Variants in TEX2 observed in about 807,000 individuals in gnomAD.
TEX2 encodes testis expressed 2, also known as testis-expressed protein 2.
TEX2 carries 53 observed loss-of-function variants against 106.9 expected under a neutral mutation model. That is an observed-to-expected ratio of 0.50 (90% CI 0.40 to 0.62). The LOEUF (loss-of-function observed/expected upper bound fraction) is 0.62. Ranked by LOEUF, TEX2 falls within the 20% of genes least tolerant of loss-of-function variation. The pLI is 0.00. For missense variants in TEX2, 1,207 were observed against 1,379.0 expected (o/e 0.88, Z 1.98); for synonymous variants, 523 against 534.8 (o/e 0.98, Z 0.30).
In TEX2 at chr17:64,212,737, T is replaced by TAGTG; in HGVS notation, c.1477_1480dup (p.Tyr494SerfsTer31). 6.2e-7 allele frequency: 1 copy of TAGTG among 1,614,040 alleles called. No homozygotes were observed. The highest frequency in any genetic ancestry group is 8.5e-7 in the Non-Finnish European group (1 of 1,179,996). ...AATTCCCAGAAAGAGTCCACTCACATAGTGGGGGAGGGGGAGGATGAGGTA... is the reference window on the plus strand; with the variant it reads ...AATTCCCAGAAAGAGTCCACTCACATAGTGAGTGGGGGAGGGGGAGGATGAGGTA... On this transcript the variant is annotated frameshift_variant, in exon 2 of 12. Coordinates refer to ENST00000584379, the MANE Select transcript of TEX2 (RefSeq NM_001288732.2). LOFTEE classifies it high-confidence loss of function.
intron 3 of TEX2, 91 bp from the exon 4 acceptor site, chr17:64,193,980 G>A: frequency 2.5e-6 from 2 of 798,418 alleles, no homozygotes; most frequent in Non-Finnish European, 1.7e-6. Flanking sequence ...AAACCTTATA[G>A]ACTTTTTGAC....
intron 1 of TEX2, among the ~76,000 whole-genome samples, chr17:64,229,407 T>C (rs2033601469): frequency 6.6e-6 from 1 of 152,264 alleles, no homozygotes; most frequent in African/African-American, 2.4e-5. Context: ...CTTTTGTTAT[T>C]CACTTCTTTA....
At chr17:64,225,812 G>A (rs1261676896) in intron 1 of TEX2, among the ~76,000 whole-genome samples, 1 of 151,988 alleles carries the variant, frequency 6.6e-6, no homozygotes, top group Non-Finnish European at 1.5e-5. Flanking sequence ...CTACCTCCCG[G>A]GTTCAAGCCA....
Position 64,217,474 on chromosome 17 carries a change from C to T in TEX2, c.-25-3232G>A, listed in dbSNP as rs782095151. 1.3e-5 allele frequency among the ~76,000 whole-genome samples: 2 copies of T among 152,214 alleles called. No homozygotes were observed. Among genetic ancestry groups the T allele is most frequent in the African/African-American group, 2.4e-5 (1 of 41,458 alleles). On this transcript the variant is annotated intron_variant, in intron 1 of 11. Coordinates refer to ENST00000584379, the MANE Select transcript of TEX2 (RefSeq NM_001288732.2). The surrounding 1 kb of genome is among the most constrained non-coding windows in gnomAD (Gnocchi z 4.3). ...GGTGCCTTTTCAAACATGCCACACA[C>T]GCTCTTTATTCCTGCTTTGTCCCAG...
intron 1 of TEX2, among the ~76,000 whole-genome samples, chr17:64,262,555 C>T (rs1328651664): frequency 6.6e-6 from 1 of 152,192 alleles, no homozygotes; most frequent in Non-Finnish European, 1.5e-5. Flanking sequence ...TCCACGGCCA[C>T]ACCGCCTCCC....
intron 7 of TEX2, among the ~76,000 whole-genome samples, chr17:64,167,907 C>T (rs2031214643): frequency 6.6e-6 from 1 of 152,144 alleles, no homozygotes; most frequent in South Asian, 2.1e-4. Context: ...ACCAGGTAGT[C>T]GGGTCCAGAG....
chr17:64,206,627 G>A (rs555173908), intron 2 of TEX2, among the ~76,000 whole-genome samples: 1 of 139,924 alleles, frequency 7.1e-6, no homozygotes, highest in African/African-American at 2.7e-5. Context: ...ACAGTGGTGC[G>A]ATCTCAGCTC....
chr17:64,259,832 C>A (rs1867622), intron 1 of TEX2, among the ~76,000 whole-genome samples: 11,317 of 152,252 alleles, frequency 0.074, 520 homozygotes, highest in Non-Finnish European at 0.11. Context: ...GACTATAAGA[C>A]ACACTGTTAT....
At chr17:64,163,525 C>T (rs2143676687) in intron 7 of TEX2, among the ~76,000 whole-genome samples, 1 of 152,250 alleles carries the variant, frequency 6.6e-6, no homozygotes, top group South Asian at 2.1e-4. Flanking sequence ...TGCTTGCATT[C>T]AGATGAGGGT....
At chr17:64,239,123 C>G (rs543670381) in intron 1 of TEX2, 1 of 152,254 alleles carries the variant, frequency 6.6e-6, no homozygotes, top group East Asian at 1.9e-4. Flanking sequence ...AGGGCTGAAA[C>G]AGAAATCAAA....
At chr17:64,178,207 G>A (rs1389619390) in intron 5 of TEX2, among the ~76,000 whole-genome samples, 4 of 152,218 alleles carry the variant, frequency 2.6e-5, no homozygotes, top group African/African-American at 4.8e-5. Flanking sequence ...GCCAATGTGT[G>A]AGGTGGGGGA....
intron 5 of TEX2, among the ~76,000 whole-genome samples, chr17:64,187,897 A>G (rs142813815): frequency 8.5e-5 from 13 of 152,340 alleles, no homozygotes; most frequent in Admixed American, 8.5e-4. Flanking sequence ...TTTAAAATTA[A>G]AAATAAATAA....
intron 6 of TEX2, among the ~76,000 whole-genome samples, chr17:64,176,761 ATT>A (rs964001848): frequency 1.3e-5 from 2 of 152,230 alleles, no homozygotes; most frequent in African/African-American, 4.8e-5. Context: ...ACACAGACAC[ATT>A]TAAAGTGCAA....
chr17:64,226,645 C>G (rs2033512278), intron 1 of TEX2, among the ~76,000 whole-genome samples: 1 of 152,156 alleles, frequency 6.6e-6, no homozygotes, highest in South Asian at 2.1e-4. Context: ...AAATAAAAAA[C>G]TCAACCTTAC....
chr17:64,168,902 CT>C (rs3070736), intron 7 of TEX2, among the ~76,000 whole-genome samples: 114 of 106,928 alleles, frequency 1.1e-3, no homozygotes, highest in African/African-American at 2.5e-3. Context: ...ATAGATGGTG[CT>C]TTTTTTTTTT....
chr17:64,154,777 T>C, intron 9 of TEX2, 65 bp downstream of exon 9: 1 of 1,449,222 alleles, frequency 6.9e-7, no homozygotes. Flanking sequence ...GGAAACAAGG[T>C]TCACTCCCAA....
intron 8 of TEX2, chr17:64,155,505 A>G (rs1340214138): frequency 6.6e-6 from 1 of 152,176 alleles, no homozygotes; most frequent in East Asian, 1.9e-4. Context: ...ACTCCTTTCC[A>G]GTGAAATTAC....
intron 1 of TEX2, among the ~76,000 whole-genome samples, chr17:64,214,875 G>A (rs1410674936): frequency 6.6e-6 from 1 of 152,204 alleles, no homozygotes; most frequent in Non-Finnish European, 1.5e-5. Context: ...AGAGTATTTA[G>A]GCAGCCATGA....
intron 1 of TEX2, among the ~76,000 whole-genome samples, chr17:64,235,551 T>A (rs979358513): frequency 6.6e-6 from 1 of 152,192 alleles, no homozygotes; most frequent in African/African-American, 2.4e-5. Context: ...TCACAGTAAT[T>A]CACAGACCAG....
Sources: allele counts gnomAD v4.1 joint callset (sites outside exome capture counted in the v4.1 genomes callset), GRCh38; gene constraint gnomAD v4.1.1; non-coding constraint Gnocchi (gnomAD v3.1); transcripts MANE v1.5; gene names NCBI Gene and HGNC (gene_info 2026-07-23, HGNC 2026-07-21).